PGAM1: variants seen among roughly 807,000 people sequenced by gnomAD.
PGAM1 encodes the protein BPG-dependent PGAM 1.
A neutral mutation model predicts 23.5 loss-of-function variants in PGAM1; 21 were observed. That is an observed-to-expected ratio of 0.89 (90% CI 0.63 to 1.29). The LOEUF is 1.29. Among genes scored for constraint, PGAM1 ranks in the 50% most tolerant of loss-of-function variants. The probability of loss-of-function intolerance (pLI) is 0.00; values close to 1 mark genes in which losing one functional copy is unlikely to be tolerated. For missense variants in PGAM1, 232 were observed against 336.3 expected (o/e 0.69, Z 2.42); for synonymous variants, 109 against 128.6 (o/e 0.85, Z 1.03).
intron 1 of PGAM1, chr10:97,427,504 C>T (rs1397346448): frequency 1.9e-6 from 2 of 1,025,958 alleles, no homozygotes; most frequent in Non-Finnish European, 2.3e-6. Context: ...GGAAAGATGA[C>T]TTGTCCAAGG....
Position 97,430,442 on chromosome 10 carries a change from G to C in PGAM1, c.203G>C (p.Trp68Ser). The C allele has an allele frequency of 6.2e-7, 1 of 1,609,174 alleles. No homozygotes were observed. Among genetic ancestry groups the C allele is most frequent in the Non-Finnish European group, 8.5e-7 (1 of 1,179,412 alleles). Reference protein sequence around the residue: ...SVQKRAIRTLWTVLDAIDQMW... With the variant: ...SVQKRAIRTLSTVLDAIDQMW... ...CAGAAGAGAGCGATCCGGACCCTCT[G>C]GACAGTGCTAGATGCCATTGATCAG... The change falls in exon 2 of 4, where the codon TGG (tryptophan) becomes TCG (serine). Residue 68 changes from tryptophan to serine, a missense_variant. By Grantham distance (177) the Trp-to-Ser change is radical (BLOSUM62 -3). This residue lies in a region of PGAM1 where 191 missense variants were observed against 241.7 expected (regional missense o/e 0.79). Transcript: ENST00000334828.
intron 3 of PGAM1, among the ~76,000 whole-genome samples, chr10:97,431,988 AT>A (rs1379394220): frequency 7.9e-5 from 12 of 152,092 alleles, no homozygotes; most frequent in African/African-American, 2.9e-4. Context: ...TTGCATCTTC[AT>A]CCCCGAGGGC....
intron 1 of PGAM1, chr10:97,427,749 G>A (rs1845425856): frequency 2.3e-6 from 3 of 1,280,682 alleles, no homozygotes; most frequent in Non-Finnish European, 3.0e-6. Context: ...GGACTGAAGA[G>A]GTGCTTCCGC....
intron 1 of PGAM1, chr10:97,427,829 T>G (rs1454740268): frequency 1.6e-6 from 2 of 1,289,282 alleles, no homozygotes; most frequent in African/African-American, 3.0e-5. Flanking sequence ...TTCACAAGGG[T>G]CATTGATGAG....
At chr10:97,429,774 G>A (rs1407065789) in intron 1 of PGAM1, among the ~76,000 whole-genome samples, 3 of 152,122 alleles carry the variant, frequency 2.0e-5, no homozygotes, top group African/African-American at 7.2e-5. Context: ...CTCTTCCTGT[G>A]TCCTGATTGG....
chr10:97,427,522 T>C, intron 1 of PGAM1: 1 of 1,076,768 alleles, frequency 9.3e-7, no homozygotes, highest in Non-Finnish European at 1.1e-6. Context: ...AGGTCATATC[T>C]GATTCCTAGT....
In PGAM1 at chr10:97,426,296, C is replaced by T. The variant is rs962878217; in HGVS notation, c.-12C>T. The T allele has an allele frequency of 1.2e-6, 2 of 1,610,078 alleles. No homozygotes were observed. The highest frequency in any genetic ancestry group is 8.5e-7 in the Non-Finnish European group (1 of 1,179,260). On this transcript the variant is annotated 5_prime_UTR_variant, in exon 1 of 4. Coordinates refer to ENST00000334828, the MANE Select transcript of PGAM1 (RefSeq NM_002629.4). The stretch of plus-strand genomic sequence containing the variant: ...CTAATCCCAGTCGGTGCCGCATCCC[C>T]AGCCCGCCGCCATGGCCGCCTACAA...
rs1845463934 is a variant in PGAM1, at chr10:97,430,946, A to G, written c.415-9A>G. 1.2e-6 allele frequency: 2 copies of G among 1,613,944 alleles called. No individual in the cohort carries two copies. Among genetic ancestry groups the G allele is most frequent in the Non-Finnish European group, 1.7e-6 (2 of 1,179,846 alleles). On this transcript the variant is annotated splice_polypyrimidine_tract_variant and intron_variant, in intron 2 of 3. Coordinates refer to ENST00000334828, the MANE Select transcript of PGAM1 (RefSeq NM_002629.4). ...AATAAGTGGTGAACTTGGATTCTTT[A>G]TTGCTTAGGATCGCAGGTATGCAGA...
At chr10:97,428,424 C>T (rs1454648400) in intron 1 of PGAM1, among the ~76,000 whole-genome samples, 1 of 152,162 alleles carries the variant, frequency 6.6e-6, no homozygotes, top group Non-Finnish European at 1.5e-5. Flanking sequence ...GTCCACACCA[C>T]ACTGTCCACT....
rs138861201 is a variant in PGAM1 at position 97,430,638 on chromosome 10, C to T, written c.399C>T (p.Tyr133=). 7 of 1,603,016 alleles carry T rather than the reference C, an allele frequency of 4.4e-6. No individual in the cohort carries two copies. The East Asian group carries it at 1.1e-4, about 26-fold the overall frequency. ...CGATGGAGCCCGACCATCCTTTCTA[C>T]AGCAACATCAGTAAGGTATGGACAA... ...PPPMEPDHPF[Y]SNISKDRRYA... Residue 133 remains tyrosine, a synonymous_variant, in exon 2 of 4, where the codon TAC becomes TAT. Coordinates refer to ENST00000334828, the MANE Select transcript of PGAM1 (RefSeq NM_002629.4).
Position 97,432,712 on chromosome 10 carries a change from A to G in PGAM1, c.*188A>G, listed in dbSNP as rs1845485095. 3 of 590,222 alleles carry G rather than the reference A, an allele frequency of 5.1e-6. No individual in the cohort carries two copies. The highest frequency in any genetic ancestry group is 3.0e-5 in the Admixed American group (1 of 33,494). 36.6% of individuals were successfully genotyped at this position (590,222 alleles called of 1,614,324 possible). ...CGCCTGCACCCACTCCCTTCATACA[A>G]TCTAGTCAGAATAGCAGTTCTAGAG... On this transcript the variant is annotated 3_prime_UTR_variant, in exon 4 of 4. Transcript: ENST00000334828.
Position 97,426,368 on chromosome 10 carries a change from C to G in PGAM1, c.61C>G (p.Arg21Gly). 6.2e-7 allele frequency: 1 copy of G among 1,609,580 alleles called. No homozygotes were observed. Among genetic ancestry groups the G allele is most frequent in the Non-Finnish European group, 8.5e-7 (1 of 1,178,660 alleles). The change falls in exon 1 of 4, where the codon CGC becomes GGC. Residue 21 changes from arginine (R) to glycine (G), a missense_variant. Arg to Gly is a moderately radical substitution (Grantham distance 125). Around this residue, in one of 3 missense-constraint regions of PGAM1, gnomAD observed 38 missense variants for 77.1 expected, o/e 0.49. Coordinates refer to ENST00000334828, the MANE Select transcript of PGAM1 (RefSeq NM_002629.4). ...CGAGAGCGCATGGAACCTGGAGAAC[C>G]GCTTCAGCGGCTGGTACGACGCCGA... ...HGESAWNLENRFSGWYDADLS... is the reference protein window; with the variant it reads ...HGESAWNLENGFSGWYDADLS...
intron 3 of PGAM1, among the ~76,000 whole-genome samples, chr10:97,431,750 G>A (rs1363511236): frequency 1.3e-5 from 2 of 151,404 alleles, no homozygotes; most frequent in African/African-American, 4.8e-5. Flanking sequence ...TTAGCTTGAT[G>A]TGGTGATGCT....
rs920540909 is a variant in PGAM1, at chr10:97,432,959, CTA to C, written c.*436_*437del. 8.6e-5 allele frequency: 16 copies of C among 185,044 alleles called. No homozygotes were observed. Among genetic ancestry groups the C allele is most frequent in the Non-Finnish European group, 1.4e-4 (13 of 90,494 alleles). The allele number at this position is 185,044 out of a possible 1,614,324, so 11.5% of individuals were successfully genotyped here. On this transcript the variant is annotated 3_prime_UTR_variant, in exon 4 of 4. Coordinates refer to ENST00000334828, the MANE Select transcript of PGAM1 (RefSeq NM_002629.4). The stretch of plus-strand genomic sequence containing the variant: ...GGTCACTGCCTACTGCCTGGGGGCT[CTA>C]GTCATTCCAGTGGAAGACGAATGTA...
At chr10:97,431,211 G>A in intron 3 of PGAM1, 76 bp downstream of exon 3, 1 of 1,554,644 alleles carries the variant, frequency 6.4e-7, no homozygotes, top group South Asian at 1.1e-5. Context: ...TTGGTAAAAA[G>A]GAGTCTAGGG....
At position 97,431,185 on chromosome 10, in the gene PGAM1, G is replaced by A. The variant is rs763780282; in HGVS notation, c.595+50G>A. 3.1e-6 allele frequency: 5 copies of A among 1,606,970 alleles called. No homozygotes were observed. In the South Asian group the frequency reaches 4.4e-5, roughly 14 times the overall value. On this transcript the variant is annotated intron_variant, in intron 3 of 3. Transcript: ENST00000334828. ...CCTCAAGGAAGGATAAAGCAGAACT[G>A]CCACAAATCAGGGACTTGGTAAAAA...
chr10:97,431,852 C>T (rs1845474505), intron 3 of PGAM1, among the ~76,000 whole-genome samples: 1 of 150,196 alleles, frequency 6.7e-6, no homozygotes. Context: ...TGTGCCACTA[C>T]ATTCTAGCCT....
Position 97,432,723 on chromosome 10 carries a change from A to G in PGAM1, c.*199A>G. The G allele has an allele frequency of 1.7e-6, 1 of 574,954 alleles. No individual in the cohort carries two copies. The highest frequency in any genetic ancestry group is 3.1e-6 in the Non-Finnish European group (1 of 321,296). 35.6% of individuals were successfully genotyped at this position (574,954 alleles called of 1,614,324 possible). ...ACTCCCTTCATACAATCTAGTCAGAATAGCAGTTCTAGAGCACAGGTTCTC... is the reference window on the plus strand; with the variant it reads ...ACTCCCTTCATACAATCTAGTCAGAGTAGCAGTTCTAGAGCACAGGTTCTC... On this transcript the variant is annotated 3_prime_UTR_variant, in exon 4 of 4. Transcript: ENST00000334828.
intron 1 of PGAM1, among the ~76,000 whole-genome samples, chr10:97,428,572 T>G (rs1845436407): frequency 6.6e-6 from 1 of 152,256 alleles, no homozygotes; most frequent in South Asian, 2.1e-4. Flanking sequence ...CCTATTTATG[T>G]GTCCAAAGTG....
Sources: allele counts gnomAD v4.1 joint callset (sites outside exome capture counted in the v4.1 genomes callset), GRCh38; gene constraint gnomAD v4.1.1; regional missense constraint gnomAD v4.1.1; transcripts MANE v1.5; gene names NCBI Gene and HGNC (gene_info 2026-07-23, HGNC 2026-07-21).